The following GABBR2 variants were observed in gnomAD, a reference collection of about 807,000 sequenced individuals.
The protein encoded by GABBR2 is gamma-aminobutyric acid type B receptor subunit 2, also known as G-protein coupled receptor 51.
GABBR2 carries 23 observed loss-of-function variants against 105.6 expected under a neutral mutation model. The ratio of observed to expected loss-of-function variants is 0.22; its 90% CI spans 0.16 to 0.31. The LOEUF is 0.31. Ranked by LOEUF, GABBR2 falls within the 10% of genes least tolerant of loss-of-function variation. GABBR2 has a pLI of 1.00. For missense variants in GABBR2, 734 were observed against 1,245.5 expected (o/e 0.59, Z 6.18); for synonymous variants, 478 against 499.7 (o/e 0.96, Z 0.58).
chr9:98,433,431 G>A (rs552533930), intron 7 of GABBR2, among the ~76,000 whole-genome samples: 5 of 152,324 alleles, frequency 3.3e-5, no homozygotes, highest in African/African-American at 1.2e-4. Flanking sequence ...GTCACAGTCT[G>A]CAGGTGATGA....
intron 16 of GABBR2, 76 bp from the exon 17 acceptor site, chr9:98,299,429 G>C (rs1192106497): frequency 1.3e-6 from 2 of 1,540,282 alleles, no homozygotes; most frequent in African/African-American, 2.7e-5. Flanking sequence ...CCAAAAGGTA[G>C]CTCACAGGGC....
chr9:98,501,353 C>T (rs991917093), intron 3 of GABBR2, among the ~76,000 whole-genome samples: 14 of 152,066 alleles, frequency 9.2e-5, no homozygotes, highest in Admixed American at 6.5e-4. Context: ...TTAGTAGAGA[C>T]GGGGTTTCGC....
intron 10 of GABBR2, among the ~76,000 whole-genome samples, chr9:98,386,823 G>A (rs975741849): frequency 6.6e-6 from 1 of 152,212 alleles, no homozygotes; most frequent in African/African-American, 2.4e-5. Context: ...GAAATAAGAA[G>A]CCTGCTGCTC....
intron 6 of GABBR2, among the ~76,000 whole-genome samples, chr9:98,462,992 G>A (rs531604644): frequency 1.1e-4 from 17 of 152,234 alleles, no homozygotes; most frequent in Admixed American, 5.2e-4. Flanking sequence ...GGGTTCAAGC[G>A]ATCCTCCTGC....
At chr9:98,409,867 T>C (rs1832554720) in intron 7 of GABBR2, among the ~76,000 whole-genome samples, 1 of 152,194 alleles carries the variant, frequency 6.6e-6, no homozygotes, top group African/African-American at 2.4e-5. Flanking sequence ...CCTGAAAACA[T>C]ATCCTGATAA....
chr9:98,307,400 T>C (rs1830568668), intron 14 of GABBR2, among the ~76,000 whole-genome samples: 1 of 152,132 alleles, frequency 6.6e-6, no homozygotes, highest in South Asian at 2.1e-4. Flanking sequence ...AGAGCCAAGA[T>C]GGCTGACTGG....
intron 3 of GABBR2, among the ~76,000 whole-genome samples, chr9:98,514,893 G>A (rs916732032): frequency 6.6e-6 from 1 of 152,172 alleles, no homozygotes; most frequent in African/African-American, 2.4e-5. Context: ...GCGGCCACAT[G>A]GGGAAGTCTA....
rs545908659 is a variant in GABBR2, at chr9:98,473,935, A to G, written c.799-589T>C. ...GGCCTCATAACACAACCCAGGGGGA[A>G]TAATTTTTAAGGGGCCAAGGCAATT... On this transcript the variant is annotated intron_variant, in intron 5 of 18. Coordinates refer to ENST00000259455, the MANE Select transcript of GABBR2 (RefSeq NM_005458.8). 4.8e-4 allele frequency among the ~76,000 whole-genome samples: 73 copies of G among 152,356 alleles called. 1 individual carries two copies. In the South Asian group the frequency reaches 9.9e-3, roughly 21 times the overall value.
intron 1 of GABBR2, among the ~76,000 whole-genome samples, chr9:98,649,842 C>G (rs1022379173): frequency 6.6e-6 from 1 of 152,202 alleles, no homozygotes; most frequent in Non-Finnish European, 1.5e-5. Flanking sequence ...CATCCAGGGA[C>G]TATTGGGAAG....
chr9:98,585,532 C>T (rs1829059632), intron 1 of GABBR2, among the ~76,000 whole-genome samples: 1 of 150,536 alleles, frequency 6.6e-6, no homozygotes, highest in Non-Finnish European at 1.5e-5. Context: ...AGGAGATATA[C>T]CTAATGCTAA....
At chr9:98,464,779 A>C (rs1826510741) in intron 6 of GABBR2, among the ~76,000 whole-genome samples, 1 of 151,760 alleles carries the variant, frequency 6.6e-6, no homozygotes, top group South Asian at 2.1e-4. Context: ...ACTAAGAAAA[A>C]CTCTTCTGCC....
chr9:98,661,738 C>T (rs1369503126), intron 1 of GABBR2, among the ~76,000 whole-genome samples: 1 of 152,198 alleles, frequency 6.6e-6, no homozygotes, highest in African/African-American at 2.4e-5. Context: ...GGACCACTGC[C>T]CAAATTATCC....
At chr9:98,362,413 T>C (rs757580441) in intron 13 of GABBR2, 12 of 174,836 alleles carry the variant, frequency 6.9e-5, no homozygotes, top group Non-Finnish European at 1.4e-4. Context: ...GGGATAAATA[T>C]GCAATGTCAT....
chr9:98,508,239 A>G (rs1827553740), intron 3 of GABBR2, among the ~76,000 whole-genome samples: 1 of 152,250 alleles, frequency 6.6e-6, no homozygotes, highest in Non-Finnish European at 1.5e-5. Flanking sequence ...ATCACACCTG[A>G]GAGCACCAAA....
intron 12 of GABBR2, among the ~76,000 whole-genome samples, chr9:98,368,562 T>G (rs1484195768): frequency 6.6e-6 from 1 of 152,194 alleles, no homozygotes; most frequent in African/African-American, 2.4e-5. Context: ...TCTAGACAAC[T>G]GAACTCCTGC....
At chr9:98,392,576 T>C (rs1205681554) in intron 9 of GABBR2, among the ~76,000 whole-genome samples, 3 of 152,132 alleles carry the variant, frequency 2.0e-5, no homozygotes, top group Non-Finnish European at 4.4e-5. Context: ...CAAGGCTGAA[T>C]CCCTCAGGTC....
intron 2 of GABBR2, among the ~76,000 whole-genome samples, chr9:98,558,410 A>T (rs1232038095): frequency 6.6e-6 from 1 of 152,168 alleles, no homozygotes; most frequent in African/African-American, 2.4e-5. Flanking sequence ...TCTATTAGTT[A>T]TGTCTACAAT....
intron 1 of GABBR2, among the ~76,000 whole-genome samples, chr9:98,644,535 A>G (rs1711852231): frequency 6.6e-6 from 1 of 152,196 alleles, no homozygotes; most frequent in African/African-American, 2.4e-5. Flanking sequence ...GTTCTCAAGA[A>G]TAACTGCAGA....
At chr9:98,448,437 T>C (rs1826174255) in intron 7 of GABBR2, among the ~76,000 whole-genome samples, 1 of 152,168 alleles carries the variant, frequency 6.6e-6, no homozygotes, top group Admixed American at 6.5e-5. Context: ...ATTTATTTTA[T>C]TTCTTTTTTG....
Sources: allele counts gnomAD v4.1 joint callset (sites outside exome capture counted in the v4.1 genomes callset), GRCh38; gene constraint gnomAD v4.1.1; transcripts MANE v1.5; gene names NCBI Gene and HGNC (gene_info 2026-07-23, HGNC 2026-07-21).